Variants in COL4A3 observed in about 807,000 individuals in gnomAD.
COL4A3 encodes collagen alpha-3(IV) chain.
COL4A3 carries 135 observed loss-of-function variants against 217.4 expected under a neutral mutation model. That is an observed-to-expected ratio of 0.62 (90% CI 0.54 to 0.72). COL4A3 has a LOEUF of 0.72. Among genes scored for constraint, COL4A3 ranks in the 30% least tolerant of loss-of-function variants. The pLI is 0.00. For synonymous variants in COL4A3, 690 were observed against 736.3 expected (o/e 0.94, Z 1.02); for missense variants, 1,868 against 2,119.9 (o/e 0.88, Z 2.33).
At chr2:227,214,191 G>C (rs1401718956) in intron 1 of COL4A3, among the ~76,000 whole-genome samples, 1 of 152,130 alleles carries the variant, frequency 6.6e-6, no homozygotes, top group East Asian at 1.9e-4. Flanking sequence ...AAAATTCTCA[G>C]TAATTTGATA....
At chr2:227,194,941 C>A (rs1214180004) in intron 1 of COL4A3, among the ~76,000 whole-genome samples, 1 of 152,018 alleles carries the variant, frequency 6.6e-6, no homozygotes, top group African/African-American at 2.4e-5. Context: ...CATGAATGAA[C>A]TTAAATGATT....
intron 43 of COL4A3, among the ~76,000 whole-genome samples, chr2:227,301,071 G>A (rs942498085): frequency 6.6e-6 from 1 of 152,146 alleles, no homozygotes; most frequent in Admixed American, 6.5e-5. Context: ...TAAGAAGAGG[G>A]AGGAGGACAT....
intron 41 of COL4A3, 128 bp from the exon 42 acceptor site, chr2:227,297,546 T>C (rs2073082812): frequency 2.4e-6 from 2 of 821,078 alleles, no homozygotes; most frequent in Non-Finnish European, 3.8e-6. Context: ...ATAAAATATA[T>C]ATTTTAGAAA....
In COL4A3 at chr2:227,311,979, A is replaced by G. The variant is rs1186365454; in HGVS notation, c.*109A>G. ...TTTAACCAAACAATATTGCTCCATGATGACTTAGTACAAAGTTTCAATTTG... is the reference window on the plus strand; with the variant it reads ...TTTAACCAAACAATATTGCTCCATGGTGACTTAGTACAAAGTTTCAATTTG... On this transcript the variant is annotated 3_prime_UTR_variant, in exon 52 of 52. Coordinates refer to ENST00000396578, the MANE Select transcript of COL4A3 (RefSeq NM_000091.5). 1.2e-5 allele frequency: 19 copies of G among 1,529,496 alleles called. No individual in the cohort carries two copies. Among genetic ancestry groups the G allele is most frequent in the Non-Finnish European group, 1.7e-5 (19 of 1,130,110 alleles). The allele number at this position is 1,529,496 out of a possible 1,614,324, so 94.7% of individuals were successfully genotyped here. A position where few individuals can be genotyped will look rare whatever the true frequency, so the allele number is the denominator to read the frequency against.
Position 227,309,199 on chromosome 2 carries a change from T to G in COL4A3, c.4641-5T>G. Reference sequence around the variant, plus strand: ...TGCCGCCATAGTCTTTGTTTCATGTTACAGATGCACTGTTTGTGAAGGTCC... The same window carrying G: ...TGCCGCCATAGTCTTTGTTTCATGTGACAGATGCACTGTTTGTGAAGGTCC... On this transcript the variant is annotated splice_region_variant and splice_polypyrimidine_tract_variant and intron_variant, in intron 49 of 51. Transcript: ENST00000396578. 6.2e-7 allele frequency: 1 copy of G among 1,614,104 alleles called. No individual in the cohort carries two copies. The highest frequency in any genetic ancestry group is 8.5e-7 in the Non-Finnish European group (1 of 1,179,920).
At chr2:227,241,465 C>T (rs575138962) in intron 3 of COL4A3, among the ~76,000 whole-genome samples, 11 of 152,022 alleles carry the variant, frequency 7.2e-5, no homozygotes, top group African/African-American at 2.2e-4. Context: ...CTTGAGCCCA[C>T]GAGTTTGAGG....
chr2:227,277,338 A>C (rs1191759855), intron 27 of COL4A3, 111 bp from the exon 28 acceptor site: 4 of 733,920 alleles, frequency 5.5e-6, no homozygotes, highest in African/African-American at 1.8e-5. Context: ...AAAAAAAAAA[A>C]AACAATGTGC....
intron 1 of COL4A3, among the ~76,000 whole-genome samples, chr2:227,202,417 C>G (rs1322592553): frequency 6.6e-6 from 1 of 152,046 alleles, no homozygotes; most frequent in African/African-American, 2.4e-5. Flanking sequence ...CTGGAGTGAA[C>G]TGATAATGCT....
At chr2:227,202,767 A>C (rs1444239727) in intron 1 of COL4A3, among the ~76,000 whole-genome samples, 1 of 129,098 alleles carries the variant, frequency 7.7e-6, no homozygotes, top group Admixed American at 8.2e-5. Context: ...ATATATATAT[A>C]TATATCACAT....
intron 5 of COL4A3, among the ~76,000 whole-genome samples, chr2:227,245,307 T>TAA (rs11400067): frequency 3.4e-4 from 52 of 150,796 alleles, no homozygotes; most frequent in South Asian, 1.5e-3. Flanking sequence ...CAAAAATATT[T>TAA]AAAAAAAAAC....
chr2:227,280,312 C>G (rs1244706044), intron 29 of COL4A3, 128 bp from the exon 30 acceptor site: 1 of 1,015,862 alleles, frequency 9.8e-7, no homozygotes, highest in Admixed American at 2.1e-5. Context: ...GCAACTAGAG[C>G]TCAAAAAGGA....
chr2:227,192,960 C>G lies in COL4A3; in HGVS notation c.87+28147C>G, dbSNP rs551288409. On this transcript the variant is annotated intron_variant, in intron 1 of 51. Coordinates refer to ENST00000396578, the MANE Select transcript of COL4A3 (RefSeq NM_000091.5). Reference sequence around the variant, plus strand: ...AAAATATAAGCCCAAATATTTTAATCAGCATAAAATCACTCTATCAAATCA... The same window carrying G: ...AAAATATAAGCCCAAATATTTTAATGAGCATAAAATCACTCTATCAAATCA... Among the ~76,000 whole-genome samples the G allele has an allele frequency of 2.7e-3, 414 of 151,898 alleles. 4 individuals are homozygous for G. The highest frequency in any genetic ancestry group is 9.7e-3 in the African/African-American group (400 of 41,442).
intron 1 of COL4A3, among the ~76,000 whole-genome samples, chr2:227,173,421 G>A (rs930643579): frequency 6.6e-6 from 1 of 152,056 alleles, no homozygotes; most frequent in Non-Finnish European, 1.5e-5. Flanking sequence ...TAAGTCCCTG[G>A]CTCTGCTTTT....
chr2:227,251,422 A>C, intron 11 of COL4A3, 51 bp downstream of exon 11: 475 of 1,554,012 alleles, frequency 3.1e-4, no homozygotes, highest in Non-Finnish European at 3.9e-4. Context: ...ACTCAATCTC[A>C]AAGCCAAACC....
chr2:227,215,003 A>G (rs758869783), intron 1 of COL4A3, among the ~76,000 whole-genome samples: 2 of 152,218 alleles, frequency 1.3e-5, no homozygotes, highest in Admixed American at 6.5e-5. Context: ...TGAAACGTAT[A>G]CTGGATACTT....
At chr2:227,308,442 G>T (rs2073603991) in intron 48 of COL4A3, among the ~76,000 whole-genome samples, 1 of 152,120 alleles carries the variant, frequency 6.6e-6, no homozygotes, top group African/African-American at 2.4e-5. Context: ...TCAAACTCTT[G>T]AACTCAAGCA....
In COL4A3 at chr2:227,263,858, G is replaced by A. The variant is rs1350342816; in HGVS notation, c.1229G>A (p.Gly410Glu). 6.2e-7 allele frequency: 1 copy of A among 1,614,206 alleles called. No individual in the cohort carries two copies. Among genetic ancestry groups the A allele is most frequent in the East Asian group, 2.2e-5 (1 of 44,872 alleles). The change falls in exon 21 of 52, where the codon GGA (glycine) becomes GAA (glutamate). Residue 410 changes from glycine (G) to glutamate (E), a missense_variant. Around this residue, in one of 2 missense-constraint regions of COL4A3, gnomAD observed 1,503 missense variants for 1,786.1 expected, o/e 0.84. Coordinates refer to ENST00000396578, the MANE Select transcript of COL4A3 (RefSeq NM_000091.5). ...KGSKGERGRP[G>E]KDAMGTPGSP... ...AGTAAAGGGGAACGAGGCCGCCCAG[G>A]AAAGGATGCCATGGGGACTCCTGGG... is the stretch of plus-strand genomic sequence containing the variant.
chr2:227,267,654 T>C (rs1297927270), intron 23 of COL4A3, among the ~76,000 whole-genome samples: 3 of 152,188 alleles, frequency 2.0e-5, no homozygotes, highest in East Asian at 1.9e-4. Context: ...CTGCAGCCCA[T>C]TGTTACTGTG....
rs2069434233 is a variant in COL4A3, at chr2:227,247,683, T to A, written c.468+99T>A. The A allele has an allele frequency of 1.2e-5, 14 of 1,208,268 alleles. No homozygotes were observed. The Admixed American group carries it at 2.0e-4, about 17-fold the overall frequency. The allele number at this position is 1,208,268 out of a possible 1,614,324, so 74.8% of individuals were successfully genotyped here. On this transcript the variant is annotated intron_variant, in intron 8 of 51. Transcript: ENST00000396578. ...AGACTTAAGTCATTACAAATAAGAT[T>A]TCATAATCCAGACCTTAATCATTCA...
Sources: gnomAD v4.1 joint callset for allele counts (sites outside exome capture counted in the v4.1 genomes callset) on GRCh38, gnomAD v4.1.1 for gene constraint, gnomAD v4.1.1 regional missense constraint, MANE v1.5 for transcripts, NCBI Gene and HGNC (gene_info 2026-07-23, HGNC 2026-07-21) for gene names.